Variants in SH3BGRL2 observed in about 807,000 individuals in gnomAD.
SH3BGRL2 encodes the protein SH3 domain binding glutamate rich protein like 2, also known as SH3 domain-binding glutamic acid-rich-like protein 2.
A neutral mutation model predicts 14.8 loss-of-function variants in SH3BGRL2; 21 were observed. That is an observed-to-expected ratio of 1.42 (90% confidence interval 1.01 to 2.05). The LOEUF (loss-of-function observed/expected upper bound fraction) is 2.05, where lower values mean the gene tolerates loss of function less well. Ranked by LOEUF, SH3BGRL2 falls within the 30% of genes most tolerant of loss-of-function variation. The pLI is 0.00. For synonymous variants in SH3BGRL2, 50 were observed against 47.8 expected (o/e 1.05, Z -0.19); for missense variants, 147 against 130.8 (o/e 1.12, Z -0.61).
chr6:79,599,744 A>G, the SH3BGRL2 span, among the ~76,000 whole-genome samples: 1 of 152,210 alleles, frequency 6.6e-6, no homozygotes, highest in African/African-American at 2.4e-5. Context: ...ACTGCCCACA[A>G]CAGGGGAGAG....
the SH3BGRL2 span, among the ~76,000 whole-genome samples, chr6:79,620,796 A>T: frequency 1.3e-5 from 2 of 152,326 alleles, no homozygotes; most frequent in African/African-American, 4.8e-5. Flanking sequence ...CACAAGTCTG[A>T]TGGAAAGAAT....
chr6:79,547,079 A>G, the SH3BGRL2 span, among the ~76,000 whole-genome samples: 5 of 152,108 alleles, frequency 3.3e-5, no homozygotes, highest in African/African-American at 1.2e-4. Flanking sequence ...ATCCGTAGAG[A>G]CTATTCTCTG....
chr6:79,673,666 A>T lies in SH3BGRL2; in HGVS notation c.98A>T (p.Glu33Val), dbSNP rs1390044660. ...AGATTTCTGGAAGCCAACAAGATAG[A>T]GTTTGAGGAGGTGGATATCACAATG... Reference protein sequence around the residue: ...VVRFLEANKIEFEEVDITMSE... With the variant: ...VVRFLEANKIVFEEVDITMSE... The change falls in exon 2 of 4, where the codon GAG becomes GTG. Residue 33 changes from glutamate (E) to valine (V), a missense_variant. By Grantham distance (121) the Glu-to-Val change is moderately radical. Transcript: ENST00000369838. 2 of 1,614,102 alleles carry T rather than the reference A, an allele frequency of 1.2e-6. No homozygotes were observed. Among genetic ancestry groups the T allele is most frequent in the East Asian group, 4.5e-5 (2 of 44,882 alleles).
chr6:79,655,561 A>G (rs1769391506), intron 1 of SH3BGRL2, among the ~76,000 whole-genome samples: 1 of 152,096 alleles, frequency 6.6e-6, no homozygotes, highest in South Asian at 2.1e-4. Context: ...GAGAAATCTC[A>G]CACCCCTTTA....
At chr6:79,606,800 C>T in the SH3BGRL2 span, among the ~76,000 whole-genome samples, 1 of 151,966 alleles carries the variant, frequency 6.6e-6, no homozygotes, top group African/African-American at 2.4e-5. Flanking sequence ...AATGCTATTA[C>T]CTACCAGTGC....
At chr6:79,592,082 TGATAAAA>T in the SH3BGRL2 span, among the ~76,000 whole-genome samples, 1 of 152,310 alleles carries the variant, frequency 6.6e-6, no homozygotes, top group Admixed American at 6.5e-5. Context: ...CTAATAGAGA[TGATAAAA>T]GATATGAAAA....
At chr6:79,624,803 G>C in the SH3BGRL2 span, among the ~76,000 whole-genome samples, 6 of 151,396 alleles carry the variant, frequency 4.0e-5, no homozygotes, top group African/African-American at 1.5e-4. Flanking sequence ...AGTGTTTTCT[G>C]TTTTTTGGGT....
chr6:79,657,477 G>T (rs1423784244), intron 1 of SH3BGRL2, among the ~76,000 whole-genome samples: 1 of 152,192 alleles, frequency 6.6e-6, no homozygotes, highest in African/African-American at 2.4e-5. Flanking sequence ...TGGAGGAGTT[G>T]TAGGGAGAAA....
chr6:79,550,072 T>C, the SH3BGRL2 span, among the ~76,000 whole-genome samples: 1 of 152,192 alleles, frequency 6.6e-6, no homozygotes, highest in Admixed American at 6.5e-5. Context: ...ATGTTTCTTG[T>C]TTTTCTACAG....
intron 2 of SH3BGRL2, among the ~76,000 whole-genome samples, chr6:79,689,486 A>T (rs982912135): frequency 3.3e-5 from 5 of 152,200 alleles, no homozygotes; most frequent in African/African-American, 1.2e-4. Flanking sequence ...TTTCAATTTA[A>T]TATGGACAAA....
chr6:79,557,728 C>G, the SH3BGRL2 span, among the ~76,000 whole-genome samples: 1 of 152,176 alleles, frequency 6.6e-6, no homozygotes, highest in Non-Finnish European at 1.5e-5. Flanking sequence ...CTTGCCTCAG[C>G]TAGCAAATAT....
intron 1 of SH3BGRL2, among the ~76,000 whole-genome samples, chr6:79,663,265 C>T (rs188593577): frequency 5.0e-4 from 76 of 152,292 alleles, no homozygotes; most frequent in Admixed American, 2.0e-3. Context: ...GCTCTGGTTT[C>T]TCCCCATCTT....
intron 1 of SH3BGRL2, among the ~76,000 whole-genome samples, chr6:79,632,773 G>T (rs1022007327): frequency 1.3e-5 from 2 of 152,196 alleles, no homozygotes; most frequent in East Asian, 3.9e-4. Context: ...GGGTTGCTTA[G>T]TCATGCCTGC....
chr6:79,600,720 G>T, the SH3BGRL2 span, among the ~76,000 whole-genome samples: 2 of 152,126 alleles, frequency 1.3e-5, no homozygotes, highest in African/African-American at 2.4e-5. Context: ...TTTCATTCCT[G>T]TCCCTTTAGG....
At position 79,648,255 on chromosome 6, in the gene SH3BGRL2, C is replaced by CATATAT. The variant is rs60702112; in HGVS notation, c.45+16772_45+16777dup. 6.6e-3 allele frequency among the ~76,000 whole-genome samples: 411 copies of CATATAT among 62,442 alleles called. 14 individuals are homozygous for CATATAT. The highest frequency in any genetic ancestry group is 0.024 in the Middle Eastern group (3 of 124). 41.0% of individuals were successfully genotyped at this position (62,442 alleles called of 152,430 possible). ...ACATTTTCTCTCTCTATTCTTTTGG[C>CATATAT]ATATATATATATATATATATATATA... On this transcript the variant is annotated intron_variant, in intron 1 of 3. Transcript: ENST00000369838.
the SH3BGRL2 span, among the ~76,000 whole-genome samples, chr6:79,599,795 A>G: frequency 6.6e-6 from 1 of 152,198 alleles, no homozygotes; most frequent in African/African-American, 2.4e-5. Flanking sequence ...TCGAGCAGGG[A>G]AATGGCTAGA....
intron 2 of SH3BGRL2, among the ~76,000 whole-genome samples, chr6:79,681,680 G>A (rs1005172056): frequency 6.6e-6 from 1 of 152,200 alleles, no homozygotes; most frequent in Non-Finnish European, 1.5e-5. Flanking sequence ...AGTTGCAGTT[G>A]ATCTCAAGTG....
the SH3BGRL2 span, among the ~76,000 whole-genome samples, chr6:79,556,908 G>A: frequency 6.6e-6 from 1 of 151,758 alleles, no homozygotes; most frequent in Non-Finnish European, 1.5e-5. Flanking sequence ...TTTGGATAAT[G>A]GAATATGGGA....
intron 2 of SH3BGRL2, among the ~76,000 whole-genome samples, chr6:79,674,336 G>A (rs1267024202): frequency 1.3e-5 from 2 of 151,908 alleles, no homozygotes; most frequent in Non-Finnish European, 2.9e-5. Context: ...GAATATCAGT[G>A]CACCTCATAT....
Sources: allele counts gnomAD v4.1 joint callset (sites outside exome capture counted in the v4.1 genomes callset), GRCh38; gene constraint gnomAD v4.1.1; transcripts MANE v1.5; gene names NCBI Gene and HGNC (gene_info 2026-07-23, HGNC 2026-07-21).